The following DISC1 variants were observed in gnomAD, a reference collection of about 807,000 sequenced individuals.
The protein encoded by DISC1 is disrupted in schizophrenia 1 protein.
In DISC1, 57 loss-of-function variants were observed where a neutral mutation model predicts 84.5. That is an observed-to-expected ratio of 0.67 (90% CI 0.55 to 0.84). DISC1 has a LOEUF of 0.84. DISC1 is among the 40% of genes least tolerant of loss of function. The probability of loss-of-function intolerance (pLI) is 0.00; values close to 1 mark genes in which losing one functional copy is unlikely to be tolerated. For missense variants in DISC1, 1,000 were observed against 1,057.8 expected, an observed-to-expected ratio of 0.95 and a Z score of 0.76; for synonymous variants, 411 against 415.2, an observed-to-expected ratio of 0.99 and a Z score of 0.12.
intron 8 of DISC1, among the ~76,000 whole-genome samples, chr1:231,801,918 A>AAG (rs2079300234): frequency 6.6e-6 from 1 of 150,990 alleles, no homozygotes; most frequent in Non-Finnish European, 1.5e-5. Context: ...TCCTGGGTTC[A>AAG]TACCATTTTC....
At chr1:231,778,262 G>A (rs1445670172) in intron 6 of DISC1, among the ~76,000 whole-genome samples, 2 of 152,224 alleles carry the variant, frequency 1.3e-5, no homozygotes, top group African/African-American at 2.4e-5. Context: ...GCAAGGCCCC[G>A]CCCCAGGGCT....
chr1:231,689,787 A>C (rs764934611), intron 1 of DISC1, among the ~76,000 whole-genome samples: 16 of 152,238 alleles, frequency 1.1e-4, no homozygotes, highest in African/African-American at 3.9e-4. Context: ...ACTTCTGTGT[A>C]GTATAAACTG....
At position 231,752,504 on chromosome 1, in the gene DISC1, C is replaced by G. The variant is rs865933278; in HGVS notation, c.1268+2428C>G. 2.0e-5 allele frequency among the ~76,000 whole-genome samples: 3 copies of G among 152,160 alleles called. No homozygotes were observed. The East Asian group carries it at 5.8e-4, about 29-fold the overall frequency. On this transcript the variant is annotated intron_variant, in intron 4 of 12. Coordinates refer to ENST00000439617, the MANE Select transcript of DISC1 (RefSeq NM_018662.3). ...AAACCATTCATGAAGTATCCACCCC[C>G]ATGATGCAGTCATCTTCCACCAGGC... is the stretch of plus-strand genomic sequence containing the variant.
intron 3 of DISC1, among the ~76,000 whole-genome samples, chr1:231,740,864 A>G (rs1174177723): frequency 6.6e-6 from 1 of 152,224 alleles, no homozygotes; most frequent in Non-Finnish European, 1.5e-5. Context: ...ACATGAGGTC[A>G]GATGTGCAGT....
chr1:231,650,216 A>G (rs893155003), intron 1 of DISC1, among the ~76,000 whole-genome samples: 3 of 151,938 alleles, frequency 2.0e-5, no homozygotes, highest in African/African-American at 7.3e-5. Context: ...GTTCCTTTCC[A>G]TGTTTAGTGC....
At chr1:231,667,961 C>T (rs2062179486) in intron 1 of DISC1, among the ~76,000 whole-genome samples, 1 of 151,228 alleles carries the variant, frequency 6.6e-6, no homozygotes, top group Non-Finnish European at 1.5e-5. Context: ...GAGGTCAAGG[C>T]TGGAGAATTA....
intron 3 of DISC1, among the ~76,000 whole-genome samples, chr1:231,709,871 C>T (rs912799152): frequency 6.6e-6 from 1 of 152,144 alleles, no homozygotes; most frequent in African/African-American, 2.4e-5. Flanking sequence ...GTTGATGAAG[C>T]AGAATGTGGT....
intron 3 of DISC1, among the ~76,000 whole-genome samples, chr1:231,712,408 T>G (rs2125024107): frequency 6.6e-6 from 1 of 152,210 alleles, no homozygotes; most frequent in South Asian, 2.1e-4. Context: ...TCCAACTTTG[T>G]TTCCCCACAG....
At chr1:232,027,166 C>T (rs925666557) in intron 12 of DISC1, among the ~76,000 whole-genome samples, 1 of 152,172 alleles carries the variant, frequency 6.6e-6, no homozygotes, top group Non-Finnish European at 1.5e-5. Context: ...CTCTGTGTGG[C>T]CCTGGTGAAG....
At chr1:231,687,698 C>T (rs1164830653) in intron 1 of DISC1, among the ~76,000 whole-genome samples, 1 of 152,128 alleles carries the variant, frequency 6.6e-6, no homozygotes, top group Non-Finnish European at 1.5e-5. Flanking sequence ...CAATTTTAGG[C>T]CAAGCTTAGG....
chr1:231,652,129 G>T (rs2060676869), intron 1 of DISC1, among the ~76,000 whole-genome samples: 1 of 152,148 alleles, frequency 6.6e-6, no homozygotes, highest in Non-Finnish European at 1.5e-5. Flanking sequence ...AGATAAACAG[G>T]TACCTCAGTT....
At chr1:231,830,573 G>T (rs557746528) in intron 9 of DISC1, among the ~76,000 whole-genome samples, 1 of 152,270 alleles carries the variant, frequency 6.6e-6, no homozygotes, top group East Asian at 1.9e-4. Flanking sequence ...AACCGGCAGC[G>T]TAAACAAGAG....
chr1:231,977,125 C>A (rs575799556), intron 10 of DISC1, among the ~76,000 whole-genome samples: 2 of 152,274 alleles, frequency 1.3e-5, no homozygotes, highest in Non-Finnish European at 2.9e-5. Flanking sequence ...TTATAATGAG[C>A]CCCATGTATG....
intron 9 of DISC1, among the ~76,000 whole-genome samples, chr1:231,905,597 G>A (rs1050400078): frequency 5.3e-5 from 8 of 152,020 alleles, no homozygotes; most frequent in African/African-American, 1.9e-4. Flanking sequence ...ATTCCAGCCT[G>A]AGCAACAGAG....
chr1:231,982,831 C>A (rs896491633), intron 10 of DISC1, among the ~76,000 whole-genome samples: 2 of 152,096 alleles, frequency 1.3e-5, no homozygotes, highest in African/African-American at 4.8e-5. Flanking sequence ...ATCGTAAGAG[C>A]AAGGAGGTGA....
intron 9 of DISC1, among the ~76,000 whole-genome samples, chr1:231,842,543 T>C (rs141569263): frequency 2.0e-5 from 3 of 152,354 alleles, no homozygotes; most frequent in South Asian, 2.1e-4. Flanking sequence ...ATTTGAGTTA[T>C]TCCTTATGAC....
chr1:231,710,474 T>G (rs2067679693), intron 3 of DISC1, among the ~76,000 whole-genome samples: 1 of 152,192 alleles, frequency 6.6e-6, no homozygotes, highest in Admixed American at 6.5e-5. Flanking sequence ...AACTATGCAT[T>G]TGGTGCAAAT....
chr1:231,813,910 G>C (rs1317585216), intron 8 of DISC1, among the ~76,000 whole-genome samples: 2 of 152,030 alleles, frequency 1.3e-5, no homozygotes, highest in African/African-American at 4.8e-5. Flanking sequence ...TAACTTCCTG[G>C]AGAGCAGGAG....
rs774970293 is a variant in DISC1, at chr1:231,637,205, T to C, written c.67+10271T>C. ...ACATTTTCTTTACCCGGTCTATCATTGATGGGCATTTGGGTTGGTTCTAAG... is the reference window on the plus strand; with the variant it reads ...ACATTTTCTTTACCCGGTCTATCATCGATGGGCATTTGGGTTGGTTCTAAG... On this transcript the variant is annotated intron_variant, in intron 1 of 12. Transcript: ENST00000439617. 3.5e-4 allele frequency among the ~76,000 whole-genome samples: 54 copies of C among 152,340 alleles called. No homozygotes were observed. In the Middle Eastern group the frequency reaches 0.024, roughly 67 times the overall value.
Sources: gnomAD v4.1 joint callset for allele counts (sites outside exome capture counted in the v4.1 genomes callset) on GRCh38, gnomAD v4.1.1 for gene constraint, MANE v1.5 for transcripts, NCBI Gene and HGNC (gene_info 2026-07-23, HGNC 2026-07-21) for gene names.